The following NLRP12 variants were observed in gnomAD, a reference collection of about 807,000 sequenced individuals.
NLRP12 encodes the protein NLR family pyrin domain containing 12.
NLRP12 carries 108 observed loss-of-function variants against 91.2 expected under a neutral mutation model. That is an observed-to-expected ratio of 1.18 (90% CI 1.01 to 1.39). NLRP12 has a LOEUF of 1.39. NLRP12 is among the 40% of genes most tolerant of loss of function. The pLI, the probability that NLRP12 is intolerant of heterozygous loss-of-function variation, is 0.00. For missense variants in NLRP12, 1,530 were observed against 1,352.7 expected (o/e 1.13, Z -2.06); for synonymous variants, 613 against 566.7 (o/e 1.08, Z -1.16).
Position 53,798,379 on chromosome 19 carries a change from C to T in NLRP12, c.2791G>A (p.Glu931Lys), listed in dbSNP as rs1404302953. 22 of 1,614,100 alleles carry T rather than the reference C, an allele frequency of 1.4e-5. No individual in the cohort carries two copies. The highest frequency in any genetic ancestry group is 1.6e-5 in the Non-Finnish European group (19 of 1,180,022). ...GICRLGSAAC[E>K]GLSVVLQANH... The stretch of plus-strand genomic sequence containing the variant: ...GCCTGGAGCACCACAGAAAGACCCT[C>T]ACAGGCGGCAGAGCCCAGCCGGCAG... The change falls in exon 8 of 10, where the codon GAG becomes AAG. Residue 931 changes from glutamate to lysine, a missense_variant. Glu to Lys is a moderately conservative substitution (Grantham distance 56, BLOSUM62 1). Transcript: ENST00000324134.
At position 53,805,309 on chromosome 19, in the gene NLRP12, C is replaced by T. The variant is rs769092109; in HGVS notation, c.2385G>A (p.Arg795=). ...TCATCTGCAGCCTGCACTGGGGATGCCGCAGGCCCTCGCAAAGCAGCATCA... is the reference window on the plus strand; with the variant it reads ...TCATCTGCAGCCTGCACTGGGGATGTCGCAGGCCCTCGCAAAGCAGCATCA... ...PGMMLLCEGL[R]HPQCRLQMIQ... is the part of the protein sequence containing the mutation. Residue 795 remains arginine (R), a synonymous_variant, in exon 5 of 10, where the codon CGG becomes CGA. Coordinates refer to ENST00000324134, the MANE Select transcript of NLRP12 (RefSeq NM_144687.4). 1.2e-6 allele frequency: 2 copies of T among 1,613,778 alleles called. No homozygotes were observed. The highest frequency in any genetic ancestry group is 1.7e-6 in the Non-Finnish European group (2 of 1,179,976).
At chr19:53,801,096 A>C (rs1307887569) in intron 7 of NLRP12, 131 bp downstream of exon 7, 2 of 397,808 alleles carry the variant, frequency 5.0e-6, no homozygotes, top group African/African-American at 4.3e-5. Flanking sequence ...GGGAGTCTCA[A>C]AAAAAAAAAA....
In NLRP12 at chr19:53,810,828, C is replaced by T. The variant is rs371391087; in HGVS notation, c.831G>A (p.Ala277=). 3.0e-5 allele frequency: 48 copies of T among 1,613,958 alleles called. No homozygotes were observed. The East Asian group carries it at 5.8e-4, about 19-fold the overall frequency. Residue 277 remains alanine (A), a synonymous_variant, in exon 3 of 10, where the codon GCG becomes GCA. Transcript: ENST00000324134. ...GAACTCGGATGAGCTCCTGGAGAGG[C>T]GCGCTGGGCTCAGGCCAGCAGCTGA... is the stretch of plus-strand genomic sequence containing the variant. ...LIFSCWPEPS[A]PLQELIRVPE...
Position 53,814,923 on chromosome 19 carries a change from CAAGA to C in NLRP12, c.351_354del (p.Leu118SerfsTer29), listed in dbSNP as rs764584236. The stretch of plus-strand genomic sequence containing the variant: ...TGAGGCTCACCTTTTCTTGGAGTGA[CAAGA>C]GAGACTTCCAGAAGGCATGTTGACT... On this transcript the variant is annotated frameshift_variant, in exon 2 of 10. Coordinates refer to ENST00000324134, the MANE Select transcript of NLRP12 (RefSeq NM_144687.4). LOFTEE classifies it high-confidence loss of function. The C allele has an allele frequency of 2.5e-6, 4 of 1,613,940 alleles. No homozygotes were observed. The South Asian group carries it at 4.4e-5, about 18-fold the overall frequency.
At chr19:53,800,372 G>A (rs1472009037) in intron 7 of NLRP12, among the ~76,000 whole-genome samples, 1 of 152,142 alleles carries the variant, frequency 6.6e-6, no homozygotes, top group Non-Finnish European at 1.5e-5. Context: ...AGGAGGCTGA[G>A]TTGGGAGGAT....
At chr19:53,795,821 C>A in intron 9 of NLRP12, 38 bp downstream of exon 9, 1 of 1,604,718 alleles carries the variant, frequency 6.2e-7, no homozygotes, top group Non-Finnish European at 8.5e-7. Context: ...AGCCCAATGT[C>A]CAGCCTCCTC....
intron 9 of NLRP12, among the ~76,000 whole-genome samples, chr19:53,794,444 C>G (rs1424481003): frequency 6.6e-6 from 1 of 150,636 alleles, no homozygotes; most frequent in African/African-American, 2.4e-5. Flanking sequence ...CTCAGCCTCC[C>G]CAGTAGCTGG....
rs886054608 is a variant in NLRP12 at position 53,809,613 on chromosome 19, T to C, written c.2046A>G (p.Ala682=). The change falls in exon 3 of 10, where the codon GCA becomes GCG. Residue 682 remains alanine (A), a synonymous_variant. Coordinates refer to ENST00000324134, the MANE Select transcript of NLRP12 (RefSeq NM_144687.4). ...ADGEDRARCS[A]GAHTLLVQLP... The stretch of plus-strand genomic sequence containing the variant: ...GCTGCACCAACAGCGTGTGCGCTCC[T>C]GCGGAGCACCTCGCGCGGTCTTCCC... The C allele has an allele frequency of 3.1e-6, 5 of 1,611,310 alleles. No homozygotes were observed. The highest frequency in any genetic ancestry group is 1.1e-5 in the South Asian group (1 of 91,022).
intron 8 of NLRP12, among the ~76,000 whole-genome samples, chr19:53,797,476 G>A (rs767035215): frequency 3.8e-4 from 58 of 151,622 alleles, no homozygotes; most frequent in Non-Finnish European, 6.6e-4. Flanking sequence ...CTGGAGGGCA[G>A]TGGCATGATC....
chr19:53,811,162 T>C lies in NLRP12; in HGVS notation c.497A>G (p.His166Arg), dbSNP rs1391725053. 2.5e-6 allele frequency: 4 copies of C among 1,614,036 alleles called. No homozygotes were observed. Among genetic ancestry groups the C allele is most frequent in the Non-Finnish European group, 3.4e-6 (4 of 1,180,008 alleles). ...RYTRLLLVKE[H>R]SNPMQVQQQL... is the part of the protein sequence containing the mutation. ...CTGCTGGACCTGCATGGGGTTTGAG[T>C]GCTCCTTCACCAGCAGGAGCCGGGT... is the stretch of plus-strand genomic sequence containing the variant. The change falls in exon 3 of 10, where the codon CAC becomes CGC. Residue 166 changes from histidine (H) to arginine (R), a missense_variant. His to Arg is a conservative substitution (Grantham distance 29). Coordinates refer to ENST00000324134, the MANE Select transcript of NLRP12 (RefSeq NM_144687.4).
intron 1 of NLRP12, among the ~76,000 whole-genome samples, chr19:53,823,465 A>T (rs1455050454): frequency 6.5e-5 from 8 of 123,256 alleles, no homozygotes; most frequent in African/African-American, 2.1e-4. Context: ...TATTTTAAAT[A>T]TATATTTAAA....
Position 53,807,602 on chromosome 19 carries a change from A to C in NLRP12, c.2136T>G (p.Asn712Lys), listed in dbSNP as rs1332688085. Reference protein sequence around the residue: ...SEHLAAALCTNPNLIELSLYR... With the variant: ...SEHLAAALCTKPNLIELSLYR... Reference sequence around the variant, plus strand: ...ACAGAGACAGCTCTATCAGGTTTGGATTGGTGCACAGGGCCGCTGCCAGAT... The same window carrying C: ...ACAGAGACAGCTCTATCAGGTTTGGCTTGGTGCACAGGGCCGCTGCCAGAT... The change falls in exon 4 of 10, where the codon AAT becomes AAG. Residue 712 changes from asparagine (N) to lysine (K), a missense_variant. Asn to Lys is a moderately conservative substitution (Grantham distance 94, BLOSUM62 0). Transcript: ENST00000324134. 6.2e-7 allele frequency: 1 copy of C among 1,613,902 alleles called. No individual in the cohort carries two copies. The highest frequency in any genetic ancestry group is 1.3e-5 in the African/African-American group (1 of 74,876).
Position 53,811,070 on chromosome 19 carries a change from C to T in NLRP12, c.589G>A (p.Glu197Lys). 2 of 1,612,950 alleles carry T rather than the reference C, an allele frequency of 1.2e-6. No homozygotes were observed. The highest frequency in any genetic ancestry group is 2.2e-5 in the South Asian group (2 of 91,072). Residue 197 changes from glutamate to lysine, a missense_variant, in exon 3 of 10, where the codon GAG (glutamate) becomes AAG (lysine). Coordinates refer to ENST00000324134, the MANE Select transcript of NLRP12 (RefSeq NM_144687.4). ...TCCTCGTCTGGCTCAAAGAGGGTCT[C>T]TATCTTGATGGGGCTAGCCTGGTGT... Reference protein sequence around the residue: ...VGHQASPIKIETLFEPDEERP... With the variant: ...VGHQASPIKIKTLFEPDEERP...
At chr19:53,807,749 A>G in intron 3 of NLRP12, 84 bp from the exon 4 acceptor site, 2 of 1,492,276 alleles carry the variant, frequency 1.3e-6, no homozygotes, top group South Asian at 1.1e-5. Flanking sequence ...ACCGTTTATG[A>G]AGCATGCTAT....
chr19:53,813,388 G>A (rs1478374231), intron 2 of NLRP12, among the ~76,000 whole-genome samples: 4 of 131,018 alleles, frequency 3.1e-5, no homozygotes, highest in African/African-American at 5.9e-5. Context: ...TGCAAGCTCC[G>A]CCTCCCAGGC....
rs749659859 is a variant in NLRP12 at position 53,811,006 on chromosome 19, G to A, written c.653C>T (p.Ala218Val). 15 of 1,613,904 alleles carry A rather than the reference G, an allele frequency of 9.3e-6. No individual in the cohort carries two copies. Among genetic ancestry groups the A allele is most frequent in the East Asian group, 2.2e-5 (1 of 44,874 alleles). ...CAGCATGGACTTGCCTATCCCTGCC[G>A]CGCCTTGCATGACCACGGTGCGCGG... ...EPPRTVVMQG[A>V]AGIGKSMLAH... is the part of the protein sequence containing the mutation. The change falls in exon 3 of 10, where the codon GCG becomes GTG. Residue 218 changes from alanine (A) to valine (V), a missense_variant. Ala to Val is a moderately conservative substitution (Grantham distance 64). Transcript: ENST00000324134.
chr19:53,796,490 G>A lies in NLRP12; in HGVS notation c.2928-461C>T, dbSNP rs578188377. Among the ~76,000 whole-genome samples the A allele has an allele frequency of 2.6e-3, 397 of 151,400 alleles. 2 individuals carry two copies. Among genetic ancestry groups the A allele is most frequent in the Non-Finnish European group, 3.9e-3 (266 of 67,728 alleles). ...TCTCAATCTCTTGACCTCGTGATCCGCCCGCCTCAGCCTCCCAAAGTGCTG... is the reference window on the plus strand; with the variant it reads ...TCTCAATCTCTTGACCTCGTGATCCACCCGCCTCAGCCTCCCAAAGTGCTG... On this transcript the variant is annotated intron_variant, in intron 8 of 9. Coordinates refer to ENST00000324134, the MANE Select transcript of NLRP12 (RefSeq NM_144687.4).
intron 7 of NLRP12, 34 bp downstream of exon 7, chr19:53,801,193 G>T: frequency 6.2e-7 from 1 of 1,606,792 alleles, no homozygotes; most frequent in South Asian, 1.1e-5. Flanking sequence ...TCATGGATTG[G>T]GACTCCTAGC....
chr19:53,799,746 G>A (rs779859075), intron 7 of NLRP12, among the ~76,000 whole-genome samples: 2 of 152,032 alleles, frequency 1.3e-5, no homozygotes, highest in African/African-American at 2.4e-5. Context: ...GCCTCCCAAA[G>A]TGCTAAGATT....
Sources: allele counts gnomAD v4.1 joint callset (sites outside exome capture counted in the v4.1 genomes callset), GRCh38; gene constraint gnomAD v4.1.1; transcripts MANE v1.5; gene names NCBI Gene and HGNC (gene_info 2026-07-23, HGNC 2026-07-21).